Variants in ATG7 observed in about 807,000 individuals in gnomAD.
ATG7 encodes the protein autophagy related 7, also known as ubiquitin-like modifier-activating enzyme ATG7.
In ATG7, 70 loss-of-function variants were observed where a neutral mutation model predicts 82.4. That is an observed-to-expected ratio of 0.85 (90% confidence interval 0.70 to 1.04). ATG7 has a LOEUF of 1.04. Ranked by LOEUF, ATG7 falls within the 50% of genes least tolerant of loss-of-function variation. The pLI is 0.00. For synonymous variants in ATG7, 287 were observed against 313.0 expected (o/e 0.92, Z 0.88); for missense variants, 792 against 864.3 (o/e 0.92, Z 1.05).
intron 20 of ATG7, among the ~76,000 whole-genome samples, chr3:11,549,054 C>G (rs1264398564): frequency 6.6e-6 from 1 of 151,930 alleles, no homozygotes; most frequent in East Asian, 1.9e-4. Context: ...CCAGCGTTAT[C>G]TCAGTGCAGC....
chr3:11,498,465 A>G (rs149843364), intron 20 of ATG7, among the ~76,000 whole-genome samples: 16 of 152,218 alleles, frequency 1.1e-4, no homozygotes, highest in African/African-American at 3.9e-4. Flanking sequence ...TTCACTTGCT[A>G]TATGGGCCAC....
chr3:11,314,948 A>G (rs749850155), intron 8 of ATG7, among the ~76,000 whole-genome samples: 3 of 152,106 alleles, frequency 2.0e-5, no homozygotes, highest in Admixed American at 6.6e-5. Context: ...GGTGAGTTGT[A>G]TGGTATGTTA....
At chr3:11,369,989 C>A (rs1041486979) in intron 18 of ATG7, among the ~76,000 whole-genome samples, 1 of 151,008 alleles carries the variant, frequency 6.6e-6, no homozygotes, top group Admixed American at 6.6e-5. Flanking sequence ...CCCTGTTTGA[C>A]CTTGGGCACG....
rs1435086133 is a variant in ATG7 at position 11,395,965 on chromosome 3, A to AAG, written c.1956+15913_1956+15914insAG. Among the ~76,000 whole-genome samples, 130 of 78,092 alleles carry AAG rather than the reference A, an allele frequency of 1.7e-3. 19 individuals carry two copies. Among genetic ancestry groups the AAG allele is most frequent in the South Asian group, 4.0e-3 (7 of 1,752 alleles). 51.2% of individuals were successfully genotyped at this position (78,092 alleles called of 152,430 possible). On this transcript the variant is annotated intron_variant, in intron 19 of 20. Coordinates refer to ENST00000693202, the MANE Select transcript of ATG7 (RefSeq NM_001349232.2). ...AAAAAAAAAAAAAAAAAAAAAAAAA[A>AAG]GGTAGGGGGGGAAGAGTAAAAGTGA...
intron 20 of ATG7, among the ~76,000 whole-genome samples, chr3:11,479,827 C>T (rs935677392): frequency 4.6e-5 from 7 of 152,150 alleles, no homozygotes; most frequent in Admixed American, 3.9e-4. Flanking sequence ...ATCTCTCCTT[C>T]TCCACTTAGG....
intron 16 of ATG7, among the ~76,000 whole-genome samples, chr3:11,361,070 G>T (rs1225837273): frequency 2.0e-5 from 3 of 152,102 alleles, no homozygotes; most frequent in Non-Finnish European, 4.4e-5. Context: ...ACTCCGTATT[G>T]TCTCCGGTGC....
intron 18 of ATG7, among the ~76,000 whole-genome samples, chr3:11,379,366 A>T (rs2077696364): frequency 6.6e-6 from 1 of 152,190 alleles, no homozygotes. Context: ...ATTATAGCTG[A>T]TACTCTGGAA....
chr3:11,322,677 T>C (rs1365301981), intron 9 of ATG7, among the ~76,000 whole-genome samples: 1 of 152,238 alleles, frequency 6.6e-6, no homozygotes, highest in East Asian at 1.9e-4. Context: ...TTGACATTTA[T>C]ATTTCTCATA....
chr3:11,427,276 G>A (rs1452450760), intron 20 of ATG7, among the ~76,000 whole-genome samples: 2 of 152,126 alleles, frequency 1.3e-5, no homozygotes, highest in Non-Finnish European at 2.9e-5. Flanking sequence ...AGTTGGTAAA[G>A]ACATTGGACT....
intron 20 of ATG7, 111 bp from the exon 21 acceptor site, chr3:11,554,700 G>C (rs2072230085): frequency 7.7e-7 from 1 of 1,290,864 alleles, no homozygotes; most frequent in Non-Finnish European, 1.1e-6. Context: ...AGAAACAAGG[G>C]AGTGGTTCTG....
chr3:11,501,538 A>ATATTGCAT (rs537179199), intron 20 of ATG7, among the ~76,000 whole-genome samples: 265 of 17,784 alleles, frequency 0.015, no homozygotes, highest in African/African-American at 0.051. Context: ...TTAATAGATA[A>ATATTGCAT]TGATATTAAT....
At chr3:11,469,685 A>G (rs973292219) in intron 20 of ATG7, among the ~76,000 whole-genome samples, 1 of 151,974 alleles carries the variant, frequency 6.6e-6, no homozygotes, top group Non-Finnish European at 1.5e-5. Context: ...CTTACAGGCT[A>G]TTAGAGATGG....
chr3:11,399,629 C>T (rs538506777), intron 19 of ATG7, among the ~76,000 whole-genome samples: 2 of 151,962 alleles, frequency 1.3e-5, no homozygotes, highest in Non-Finnish European at 2.9e-5. Context: ...GGCTAGAGTG[C>T]AGTGACACAA....
chr3:11,285,194 T>C (rs1022636669), intron 3 of ATG7, among the ~76,000 whole-genome samples: 15 of 144,116 alleles, frequency 1.0e-4, no homozygotes, highest in Admixed American at 2.8e-4. Context: ...TTAAATTCCT[T>C]CCTGTGACAG....
chr3:11,477,065 T>G (rs2088334975), intron 20 of ATG7: 1 of 1,269,068 alleles, frequency 7.9e-7, no homozygotes, highest in Non-Finnish European at 1.0e-6. Flanking sequence ...TTATAATTAT[T>G]TAACTGGCAA....
chr3:11,533,222 G>A (rs917994123), intron 20 of ATG7, among the ~76,000 whole-genome samples: 4 of 151,642 alleles, frequency 2.6e-5, no homozygotes, highest in African/African-American at 2.4e-5. Context: ...TGACCCCCAA[G>A]CCCTCCTCTC....
intron 18 of ATG7, among the ~76,000 whole-genome samples, chr3:11,372,275 A>T (rs931640075): frequency 6.6e-6 from 1 of 151,060 alleles, no homozygotes; most frequent in East Asian, 1.9e-4. Flanking sequence ...AGTAGCAAAG[A>T]TACAAATATT....
Position 11,331,572 on chromosome 3 carries a change from A to G in ATG7, c.767+144A>G, listed in dbSNP as rs535575210. On this transcript the variant is annotated intron_variant, in intron 10 of 20. Transcript: ENST00000693202. ...ATGGAAACCAGGTAATCAATAAATC[A>G]GTCATAACCCAATTTCCATACTAGT... 1.1e-5 allele frequency: 8 copies of G among 732,754 alleles called. No homozygotes were observed. In the East Asian group the frequency reaches 2.1e-4, roughly 19 times the overall value. The allele number at this position is 732,754 out of a possible 1,614,324, so 45.4% of individuals were successfully genotyped here.
intron 1 of ATG7, among the ~76,000 whole-genome samples, chr3:11,278,167 TAC>T (rs1942300626): frequency 6.6e-6 from 1 of 152,166 alleles, no homozygotes; most frequent in African/African-American, 2.4e-5. Flanking sequence ...AATCAATTTG[TAC>T]AGTTAACACA....
Sources: gnomAD v4.1 joint callset for allele counts (sites outside exome capture counted in the v4.1 genomes callset) on GRCh38, gnomAD v4.1.1 for gene constraint, MANE v1.5 for transcripts, NCBI Gene and HGNC (gene_info 2026-07-23, HGNC 2026-07-21) for gene names.